The following CGGBP1 variants were observed in gnomAD, a reference collection of about 807,000 sequenced individuals.
CGGBP1 encodes the protein CGG triplet repeat binding protein 1, also known as CGG triplet repeat-binding protein 1.
CGGBP1 carries 4 observed loss-of-function variants against 11.4 expected under a neutral mutation model. That is an observed-to-expected ratio of 0.35 (90% CI 0.17 to 0.80). The LOEUF (loss-of-function observed/expected upper bound fraction) is 0.80. Ranked by LOEUF, CGGBP1 falls within the 30% of genes least tolerant of loss-of-function variation. The pLI, the probability that CGGBP1 is intolerant of heterozygous loss-of-function variation, is 0.52. For synonymous variants in CGGBP1, 76 were observed against 74.1 expected, an observed-to-expected ratio of 1.03 and a Z score of -0.13; for missense variants, 135 against 202.1, an observed-to-expected ratio of 0.67 and a Z score of 2.01.
chr3:88,059,564 C>G (rs1434733764), upstream of CGGBP1: 23 of 1,444,414 alleles, frequency 1.6e-5, no homozygotes, highest in Non-Finnish European at 2.1e-5. Context: ...CTCTGCGTCT[C>G]CTGGTCTTCT....
chr3:88,096,174 G>T (rs1228516588), intron 2 of CGGBP1, among the ~76,000 whole-genome samples: 2 of 151,922 alleles, frequency 1.3e-5, no homozygotes, highest in Non-Finnish European at 2.9e-5. Flanking sequence ...TTAAGTAGAA[G>T]GAACTTATTC....
At chr3:88,146,585 T>A (rs776471186) in intron 1 of CGGBP1, among the ~76,000 whole-genome samples, 15 of 152,106 alleles carry the variant, frequency 9.9e-5, no homozygotes, top group Non-Finnish European at 8.8e-5. Context: ...GAGTTATACA[T>A]CCCATTGATA....
At chr3:88,118,683 C>A (rs185626878) in intron 2 of CGGBP1, among the ~76,000 whole-genome samples, 17 of 152,232 alleles carry the variant, frequency 1.1e-4, no homozygotes, top group Admixed American at 9.8e-4. Flanking sequence ...AGCTAAAAGG[C>A]TTTAAAAGAA....
chr3:88,095,241 C>CTA (rs2107692344), intron 2 of CGGBP1, among the ~76,000 whole-genome samples: 1 of 152,074 alleles, frequency 6.6e-6, no homozygotes, highest in African/African-American at 2.4e-5. Context: ...ATGAATAGGA[C>CTA]TATCAGTTAT....
chr3:88,145,741 A>C (rs1487714986), intron 1 of CGGBP1, among the ~76,000 whole-genome samples: 1 of 152,102 alleles, frequency 6.6e-6, no homozygotes, highest in East Asian at 1.9e-4. Context: ...TGTAAATGAT[A>C]GAAAGTTTCA....
At chr3:88,098,218 C>G (rs1258232930) in intron 2 of CGGBP1, among the ~76,000 whole-genome samples, 2 of 152,186 alleles carry the variant, frequency 1.3e-5, no homozygotes, top group Non-Finnish European at 2.9e-5. Flanking sequence ...CACAAATAAA[C>G]TAGAAAATCT....
intron 2 of CGGBP1, among the ~76,000 whole-genome samples, chr3:88,115,663 A>C (rs772099395): frequency 2.0e-4 from 31 of 152,062 alleles, no homozygotes; most frequent in Admixed American, 6.6e-4. Context: ...CTTACCTATA[A>C]TTTTTCCTCT....
intron 2 of CGGBP1, chr3:88,140,027 A>G: frequency 6.2e-7 from 1 of 1,613,806 alleles, no homozygotes; most frequent in Non-Finnish European, 8.5e-7. Context: ...AGTGGAGCAA[A>G]GGAAAATGCA....
At chr3:88,140,038 A>G (rs764818580) in intron 2 of CGGBP1, 2 of 1,613,658 alleles carry the variant, frequency 1.2e-6, no homozygotes, top group African/African-American at 1.3e-5. Context: ...GGAAAATGCA[A>G]ATTTTGTCAA....
intron 2 of CGGBP1, among the ~76,000 whole-genome samples, chr3:88,110,141 G>C (rs1705001407): frequency 6.6e-6 from 1 of 152,118 alleles, no homozygotes; most frequent in South Asian, 2.1e-4. Flanking sequence ...GCCAGGAATT[G>C]TGCCAAGTGC....
intron 2 of CGGBP1, among the ~76,000 whole-genome samples, chr3:88,094,569 A>T (rs1328528406): frequency 6.6e-6 from 1 of 152,144 alleles, no homozygotes; most frequent in Non-Finnish European, 1.5e-5. Flanking sequence ...AAGGAAGGAA[A>T]GCTTGATAGT....
intron 2 of CGGBP1, among the ~76,000 whole-genome samples, chr3:88,071,473 TC>T (rs1373891204): frequency 6.6e-6 from 1 of 152,112 alleles, no homozygotes. Flanking sequence ...TGAAACCCCA[TC>T]TCTACTAAAA....
At chr3:88,060,951 T>A (rs1317839235), upstream of CGGBP1, among the ~76,000 whole-genome samples, 4 of 152,182 alleles carry the variant, frequency 2.6e-5, no homozygotes, top group Non-Finnish European at 5.9e-5. Flanking sequence ...AAGAAGTTGG[T>A]TTGAAGAGTA....
intron 2 of CGGBP1, chr3:88,140,008 C>T: frequency 6.2e-7 from 1 of 1,613,726 alleles, no homozygotes; most frequent in South Asian, 1.1e-5. Flanking sequence ...GTGCGACAAA[C>T]AGTAATGAAG....
chr3:88,113,212 C>A, intron 2 of CGGBP1: 1 of 1,472,028 alleles, frequency 6.8e-7, no homozygotes, highest in Non-Finnish European at 9.2e-7. Flanking sequence ...AAACAGTTTA[C>A]TACTTCACAC....
chr3:88,087,392 A>C (rs1462841458), intron 2 of CGGBP1, among the ~76,000 whole-genome samples: 13 of 152,208 alleles, frequency 8.5e-5, no homozygotes, highest in Non-Finnish European at 2.9e-5. Flanking sequence ...CTGGTTTTTA[A>C]AAAATGCTTA....
chr3:88,109,860 C>T (rs1439779101), intron 2 of CGGBP1, among the ~76,000 whole-genome samples: 1 of 151,894 alleles, frequency 6.6e-6, no homozygotes, highest in Non-Finnish European at 1.5e-5. Context: ...ACATGTTCAA[C>T]AGGAAAAACT....
At chr3:88,061,714 G>C (rs770595533), upstream of CGGBP1, among the ~76,000 whole-genome samples, 2 of 152,080 alleles carry the variant, frequency 1.3e-5, no homozygotes, top group African/African-American at 2.4e-5. Flanking sequence ...AGGGAAGCAG[G>C]GGGATTATTT....
At chr3:88,085,027 C>A (rs540691081) in intron 2 of CGGBP1, among the ~76,000 whole-genome samples, 80 of 152,306 alleles carry the variant, frequency 5.3e-4, no homozygotes, top group Middle Eastern at 6.8e-3. Context: ...CTCTGTTTTT[C>A]AAGGCTGCTT....
Sources: allele counts gnomAD v4.1 joint callset (sites outside exome capture counted in the v4.1 genomes callset), GRCh38; gene constraint gnomAD v4.1.1; transcripts MANE v1.5; gene names NCBI Gene and HGNC (gene_info 2026-07-23, HGNC 2026-07-21).